Variants in KALRN observed in about 807,000 individuals in gnomAD.
KALRN encodes the protein kalirin.
KALRN carries 70 observed loss-of-function variants against 353.7 expected under a neutral mutation model. The observed-to-expected ratio is 0.20, with a 90% confidence interval of 0.16 to 0.24. The LOEUF (loss-of-function observed/expected upper bound fraction) is 0.24, where lower values mean the gene tolerates loss of function less well. KALRN is among the 10% of genes least tolerant of loss of function. KALRN has a pLI of 1.00. For missense variants in KALRN, 2,791 were observed against 3,756.7 expected (o/e 0.74, Z 6.72); for synonymous variants, 1,391 against 1,434.8 (o/e 0.97, Z 0.69).
intron 21 of KALRN, 132 bp from the exon 22 acceptor site, chr3:124,455,045 A>G: frequency 1.1e-6 from 1 of 878,288 alleles, no homozygotes; most frequent in East Asian, 2.5e-5. Flanking sequence ...TAGTAGTAAC[A>G]AAGCTGGGAT....
rs561328001 is a variant in KALRN, at chr3:124,628,470, C to A, written c.5183-3950C>A. Reference sequence around the variant, plus strand: ...CTCCTCCTTTCCCCTCCTTCCCTTCCTTCCCTTCCTTCCCTTCCCTCCCTT... The same window carrying A: ...CTCCTCCTTTCCCCTCCTTCCCTTCATTCCCTTCCTTCCCTTCCCTCCCTT... On this transcript the variant is annotated intron_variant, in intron 34 of 59. Transcript: ENST00000682506. Among the ~76,000 whole-genome samples the A allele has an allele frequency of 7.5e-5, 8 of 106,104 alleles. No homozygotes were observed. In the South Asian group the frequency reaches 3.1e-3, roughly 42 times the overall value. The allele number at this position is 106,104 out of a possible 152,430, so 69.6% of individuals were successfully genotyped here.
chr3:124,635,544 A>G (rs1578522863), intron 36 of KALRN, among the ~76,000 whole-genome samples: 2 of 152,092 alleles, frequency 1.3e-5, no homozygotes, highest in Non-Finnish European at 2.9e-5. Context: ...TGATTTCTGT[A>G]TGTTTTTTAT....
chr3:124,468,026 TGAG>T (rs1260897471), intron 25 of KALRN, among the ~76,000 whole-genome samples: 2 of 150,898 alleles, frequency 1.3e-5, no homozygotes, highest in Non-Finnish European at 3.0e-5. Context: ...GGGGAGGGGA[TGAG>T]GAGAAGGAGA....
intron 1 of KALRN, among the ~76,000 whole-genome samples, chr3:124,190,936 C>G (rs973859053): frequency 6.6e-6 from 1 of 152,174 alleles, no homozygotes; most frequent in Non-Finnish European, 1.5e-5. Flanking sequence ...ATCATCAGCC[C>G]CAGGTTGTGA....
chr3:124,234,683 C>T, intron 2 of KALRN, 146 bp from the exon 3 acceptor site: 1 of 632,758 alleles, frequency 1.6e-6, no homozygotes, highest in East Asian at 2.7e-5. Flanking sequence ...TCTAGACCCC[C>T]CCACCTTGTC....
chr3:124,472,684 C>T (rs1385871803), intron 25 of KALRN, among the ~76,000 whole-genome samples: 1 of 151,570 alleles, frequency 6.6e-6, no homozygotes, highest in Admixed American at 6.6e-5. Flanking sequence ...CCCTTTGGGT[C>T]TTAAACTAAG....
chr3:124,215,563 T>G (rs562474426), intron 1 of KALRN, among the ~76,000 whole-genome samples: 1 of 152,200 alleles, frequency 6.6e-6, no homozygotes, highest in Non-Finnish European at 1.5e-5. Flanking sequence ...GGTGTCTGGT[T>G]TTTCAATTTT....
intron 10 of KALRN, 29 bp from the exon 11 acceptor site, chr3:124,384,816 T>C (rs758305336): frequency 1.3e-6 from 2 of 1,547,780 alleles, no homozygotes; most frequent in East Asian, 4.6e-5. Context: ...GACTGCAACT[T>C]GACTTTGCCT....
In KALRN at chr3:124,390,701, T is replaced by C. The variant is rs76819518; in HGVS notation, c.1963-4434T>C. Among the ~76,000 whole-genome samples the C allele has an allele frequency of 9.6e-3, 1,460 of 152,284 alleles. 10 individuals are homozygous for C. The highest frequency in any genetic ancestry group is 0.016 in the Non-Finnish European group (1,061 of 68,022). On this transcript the variant is annotated intron_variant, in intron 11 of 59. Coordinates refer to ENST00000682506, the MANE Select transcript of KALRN (RefSeq NM_001388419.1). ...CCTTAAGGATTGTTGATATCATTAT[T>C]GTTAATCAATTGTTGTCAGCACAGT...
chr3:124,535,150 G>A (rs2068401482), intron 33 of KALRN, among the ~76,000 whole-genome samples: 1 of 151,562 alleles, frequency 6.6e-6, no homozygotes, highest in Non-Finnish European at 1.5e-5. Context: ...AGTAAATGAG[G>A]TGGATGGGGG....
intron 33 of KALRN, among the ~76,000 whole-genome samples, chr3:124,520,351 A>C (rs147180224): frequency 2.0e-5 from 3 of 152,336 alleles, no homozygotes; most frequent in Admixed American, 6.5e-5. Flanking sequence ...GCAATTTACA[A>C]ATCTCAAAAT....
At chr3:124,485,154 A>T (rs1018807286) in intron 28 of KALRN, among the ~76,000 whole-genome samples, 3 of 152,214 alleles carry the variant, frequency 2.0e-5, no homozygotes, top group Admixed American at 1.3e-4. Flanking sequence ...TAACAGACTT[A>T]AAAAAATTGA....
At chr3:124,064,592 C>T (rs1278211109) in intron 1 of KALRN, among the ~76,000 whole-genome samples, 1 of 152,172 alleles carries the variant, frequency 6.6e-6, no homozygotes, top group East Asian at 1.9e-4. Flanking sequence ...GCACACACTG[C>T]CCACCTAGGG....
rs140048144 is a variant in KALRN at position 124,352,456 on chromosome 3, A to T, written c.1770+5191A>T. Among the ~76,000 whole-genome samples the T allele has an allele frequency of 1.5e-3, 228 of 152,346 alleles. 1 individual carries two copies. In the South Asian group the frequency reaches 0.018, roughly 12 times the overall value. On this transcript the variant is annotated intron_variant, in intron 10 of 59. Transcript: ENST00000682506. ...CTGTACGCTAATTTAGTCAAAAATT[A>T]GCAAGCGTTTATGTTCAAATATATA...
intron 33 of KALRN, among the ~76,000 whole-genome samples, chr3:124,550,117 T>C (rs986555616): frequency 5.9e-5 from 9 of 152,112 alleles, no homozygotes; most frequent in African/African-American, 1.9e-4. Context: ...TGGATGAGCA[T>C]AGGGGCTTCC....
chr3:124,482,951 A>G (rs746029142), intron 28 of KALRN, 51 bp downstream of exon 28: 13 of 1,236,256 alleles, frequency 1.1e-5, no homozygotes, highest in Non-Finnish European at 1.3e-5. Flanking sequence ...GCCTGGGGCA[A>G]GGGAGTCCCA....
At chr3:124,163,641 A>G in intron 1 of KALRN, 3 of 984,910 alleles carry the variant, frequency 3.0e-6, no homozygotes, top group Non-Finnish European at 2.4e-6. Flanking sequence ...AGAAGAAAGA[A>G]GAAAGGCTAT....
At chr3:124,087,893 G>C (rs2060906942) in intron 1 of KALRN, among the ~76,000 whole-genome samples, 1 of 152,146 alleles carries the variant, frequency 6.6e-6, no homozygotes, top group Non-Finnish European at 1.5e-5. Flanking sequence ...AGGTGATACA[G>C]TTCAAGAGTC....
chr3:124,671,607 A>G (rs146371977), intron 47 of KALRN, 53 bp from the exon 48 acceptor site: 9 of 1,364,460 alleles, frequency 6.6e-6, no homozygotes, highest in African/African-American at 4.3e-5. Flanking sequence ...GAGGCCTCCA[A>G]ATCCTTGTGG....
Sources: gnomAD v4.1 joint callset for allele counts (sites outside exome capture counted in the v4.1 genomes callset) on GRCh38, gnomAD v4.1.1 for gene constraint, MANE v1.5 for transcripts, NCBI Gene and HGNC (gene_info 2026-07-23, HGNC 2026-07-21) for gene names.